The following ATXN7L1 variants were observed in gnomAD, a reference collection of about 807,000 sequenced individuals.
ATXN7L1 encodes ataxin 7 like 1, also known as ataxin-7-like protein 1.
In ATXN7L1, 15 loss-of-function variants were observed where a neutral mutation model predicts 70.8. The observed-to-expected ratio is 0.21, with a 90% CI of 0.14 to 0.33. The LOEUF (loss-of-function observed/expected upper bound fraction) is 0.33, where lower values mean the gene tolerates loss of function less well. Ranked by LOEUF, ATXN7L1 falls within the 10% of genes least tolerant of loss-of-function variation. The probability of loss-of-function intolerance (pLI) is 1.00; values close to 1 mark genes in which losing one functional copy is unlikely to be tolerated. For synonymous variants in ATXN7L1, 440 were observed against 445.1 expected (o/e 0.99, Z 0.14); for missense variants, 975 against 1,097.1 (o/e 0.89, Z 1.57).
At chr7:105,627,535 C>CTT (rs75673147) in intron 7 of ATXN7L1, among the ~76,000 whole-genome samples, 8,972 of 134,286 alleles carry the variant, frequency 0.067, 454 homozygotes, top group African/African-American at 0.13. Context: ...TGTGCTAGGC[C>CTT]TTTTTTTTTT....
At chr7:105,765,750 T>A (rs915587530) in intron 3 of ATXN7L1, among the ~76,000 whole-genome samples, 1 of 152,236 alleles carries the variant, frequency 6.6e-6, no homozygotes, top group Non-Finnish European at 1.5e-5. Context: ...GAGCTGGCTA[T>A]AAACTTCTTA....
intron 3 of ATXN7L1, among the ~76,000 whole-genome samples, chr7:105,744,686 CACA>C (rs1431606750): frequency 6.6e-6 from 1 of 150,800 alleles, no homozygotes; most frequent in African/African-American, 2.4e-5. Context: ...ACTGAAGAGA[CACA>C]ACAACTAAAT....
intron 3 of ATXN7L1, among the ~76,000 whole-genome samples, chr7:105,764,870 A>G (rs1216108521): frequency 6.6e-6 from 1 of 152,046 alleles, no homozygotes; most frequent in East Asian, 1.9e-4. Flanking sequence ...TTAATATATC[A>G]TGTACAGCTG....
intron 3 of ATXN7L1, among the ~76,000 whole-genome samples, chr7:105,717,433 T>C (rs779555849): frequency 4.3e-4 from 66 of 152,220 alleles, no homozygotes; most frequent in African/African-American, 7.5e-4. Context: ...GCCTAAAATA[T>C]TTTTTAAAAG....
chr7:105,689,649 C>T (rs115159130), intron 3 of ATXN7L1, among the ~76,000 whole-genome samples: 35 of 152,280 alleles, frequency 2.3e-4, no homozygotes, highest in Middle Eastern at 3.4e-3. Flanking sequence ...ACCAGACATA[C>T]GGAGGAGGCA....
At chr7:105,795,906 G>A (rs1430819379) in intron 2 of ATXN7L1, among the ~76,000 whole-genome samples, 1 of 152,134 alleles carries the variant, frequency 6.6e-6, no homozygotes, top group African/African-American at 2.4e-5. Flanking sequence ...GATGGCATAC[G>A]CTATAATGCT....
At chr7:105,684,152 G>A (rs573585628) in intron 3 of ATXN7L1, among the ~76,000 whole-genome samples, 3 of 152,302 alleles carry the variant, frequency 2.0e-5, no homozygotes, top group Admixed American at 1.3e-4. Context: ...CCCGACTGTT[G>A]AAGAGTTCTC....
At chr7:105,662,064 TTCC>T (rs1801751995) in intron 4 of ATXN7L1, among the ~76,000 whole-genome samples, 1 of 91,974 alleles carries the variant, frequency 1.1e-5, no homozygotes, top group Non-Finnish European at 2.4e-5. Flanking sequence ...CCTTCCTTCC[TTCC>T]TTCCTTCCTT....
chr7:105,659,357 AG>A (rs1486469276), intron 4 of ATXN7L1, among the ~76,000 whole-genome samples: 2 of 152,206 alleles, frequency 1.3e-5, no homozygotes, highest in Non-Finnish European at 2.9e-5. Flanking sequence ...TACTGACACG[AG>A]TACCACGCTT....
chr7:105,839,372 C>T (rs946804891), intron 2 of ATXN7L1, among the ~76,000 whole-genome samples: 1 of 152,182 alleles, frequency 6.6e-6, no homozygotes, highest in African/African-American at 2.4e-5. Flanking sequence ...TGTCTCAGCC[C>T]GATGCACTCT....
chr7:105,608,500 G>A (rs1792878745), intron 11 of ATXN7L1, among the ~76,000 whole-genome samples: 1 of 152,170 alleles, frequency 6.6e-6, no homozygotes, highest in Non-Finnish European at 1.5e-5. Context: ...AGGGCTGATT[G>A]CTGGCATTTT....
chr7:105,831,721 T>A (rs1386261440), intron 2 of ATXN7L1, among the ~76,000 whole-genome samples: 1 of 152,102 alleles, frequency 6.6e-6, no homozygotes, highest in African/African-American at 2.4e-5. Context: ...AGCAGTTGGA[T>A]AAATGGTAAA....
intron 2 of ATXN7L1, among the ~76,000 whole-genome samples, chr7:105,831,890 C>G (rs1350284502): frequency 6.6e-6 from 1 of 152,170 alleles, no homozygotes; most frequent in Non-Finnish European, 1.5e-5. Flanking sequence ...ACCTTCTACC[C>G]TGGTATCCTT....
At chr7:105,704,064 G>A (rs554217263) in intron 3 of ATXN7L1, among the ~76,000 whole-genome samples, 2 of 152,276 alleles carry the variant, frequency 1.3e-5, no homozygotes, top group South Asian at 2.1e-4. Flanking sequence ...CTTTTACGCT[G>A]GCAACTGTGT....
chr7:105,736,770 T>C (rs543372316), intron 3 of ATXN7L1, among the ~76,000 whole-genome samples: 3 of 152,170 alleles, frequency 2.0e-5, no homozygotes, highest in Non-Finnish European at 4.4e-5. Flanking sequence ...TCTCTGGGAG[T>C]GGGGGCTGGT....
chr7:105,637,380 A>G (rs528645042), intron 7 of ATXN7L1, among the ~76,000 whole-genome samples: 1 of 152,354 alleles, frequency 6.6e-6, no homozygotes, highest in East Asian at 1.9e-4. Context: ...TGAGATTCAC[A>G]CTGTATGCAT....
rs140869510 is a variant in ATXN7L1, at chr7:105,860,447, T to C, written c.250+15365A>G. Among the ~76,000 whole-genome samples, 164 of 152,254 alleles carry C rather than the reference T, an allele frequency of 1.1e-3. 2 individuals are homozygous for C. Among genetic ancestry groups the C allele is most frequent in the African/African-American group, 3.7e-3 (155 of 41,564 alleles). On this transcript the variant is annotated intron_variant, in intron 2 of 11. Coordinates refer to ENST00000419735, the MANE Select transcript of ATXN7L1 (RefSeq NM_020725.2). ...GTCCTAAGGTGAGCTGTGTTTTGCA[T>C]TGTAGCTCCAGCTATCCACTTGAAC...
At chr7:105,837,132 A>G (rs1429192247) in intron 2 of ATXN7L1, among the ~76,000 whole-genome samples, 2 of 152,118 alleles carry the variant, frequency 1.3e-5, no homozygotes, top group Non-Finnish European at 2.9e-5. Flanking sequence ...GTGAACTCAG[A>G]GCGTGAGTTC....
At chr7:105,835,148 G>GTTTTTTTT (rs779946678) in intron 2 of ATXN7L1, among the ~76,000 whole-genome samples, 3 of 85,046 alleles carry the variant, frequency 3.5e-5, no homozygotes, top group Non-Finnish European at 6.4e-5. Flanking sequence ...ATAAGTGTGT[G>GTTTTTTTT]GTTTTTTTTT....
Sources: allele counts gnomAD v4.1 joint callset (sites outside exome capture counted in the v4.1 genomes callset), GRCh38; gene constraint gnomAD v4.1.1; transcripts MANE v1.5; gene names NCBI Gene and HGNC (gene_info 2026-07-23, HGNC 2026-07-21).